The following CACNA2D3 variants were observed in gnomAD, a reference collection of about 807,000 sequenced individuals.
CACNA2D3 encodes calcium voltage-gated channel auxiliary subunit alpha2delta 3, also known as voltage-dependent calcium channel subunit alpha-2/delta-3.
CACNA2D3 carries 60 observed loss-of-function variants against 160.6 expected under a neutral mutation model. That is an observed-to-expected ratio of 0.37 (90% CI 0.30 to 0.46). The LOEUF (loss-of-function observed/expected upper bound fraction) is 0.46. Among genes scored for constraint, CACNA2D3 ranks in the 20% least tolerant of loss-of-function variants. The pLI is 1.00. For missense variants in CACNA2D3, 1,205 were observed against 1,365.0 expected, an observed-to-expected ratio of 0.88 and a Z score of 1.85; for synonymous variants, 558 against 492.9, an observed-to-expected ratio of 1.13 and a Z score of -1.75.
At chr3:54,778,453 G>C (rs1702464562) in intron 13 of CACNA2D3, among the ~76,000 whole-genome samples, 1 of 151,620 alleles carries the variant, frequency 6.6e-6, no homozygotes. Context: ...ACTCCATTCA[G>C]AAGCCTCTGG....
chr3:54,591,209 A>G (rs1451093049), intron 9 of CACNA2D3, among the ~76,000 whole-genome samples: 1 of 152,200 alleles, frequency 6.6e-6, no homozygotes, highest in East Asian at 1.9e-4. Flanking sequence ...CCAAATTCCT[A>G]GGGTGGAAAA....
intron 2 of CACNA2D3, among the ~76,000 whole-genome samples, chr3:54,200,853 G>C (rs140536756): frequency 0.017 from 2,577 of 152,166 alleles, 27 homozygotes; most frequent in Middle Eastern, 0.068. Context: ...CAAGTGCTTT[G>C]GAAAATAGGA....
At chr3:54,386,859 T>G in intron 4 of CACNA2D3, 85 bp downstream of exon 4, 1 of 1,267,060 alleles carries the variant, frequency 7.9e-7, no homozygotes, top group South Asian at 1.4e-5. Flanking sequence ...TACTGATTTT[T>G]CAGTGATTGG....
At chr3:54,583,692 T>A (rs1559518969) in intron 9 of CACNA2D3, among the ~76,000 whole-genome samples, 2 of 152,206 alleles carry the variant, frequency 1.3e-5, no homozygotes, top group African/African-American at 4.8e-5. Flanking sequence ...TCAAAAAGTT[T>A]CAGATTTTGG....
chr3:54,692,914 C>T (rs1337388946), intron 11 of CACNA2D3, among the ~76,000 whole-genome samples: 4 of 152,134 alleles, frequency 2.6e-5, no homozygotes, highest in African/African-American at 9.7e-5. Context: ...GAAAAAAAGC[C>T]ATTTAGTTTT....
At chr3:54,821,124 A>G (rs1430659035) in intron 14 of CACNA2D3, among the ~76,000 whole-genome samples, 3 of 152,176 alleles carry the variant, frequency 2.0e-5, no homozygotes, top group Non-Finnish European at 4.4e-5. Flanking sequence ...TTTGCAAAAG[A>G]ACATTTCTTA....
intron 4 of CACNA2D3, among the ~76,000 whole-genome samples, chr3:54,415,396 G>A (rs759231029): frequency 6.6e-6 from 1 of 152,088 alleles, no homozygotes; most frequent in Non-Finnish European, 1.5e-5. Context: ...ATTTATGTCT[G>A]TTAATTTACC....
rs560705970 is a variant in CACNA2D3 at position 54,466,249 on chromosome 3, A to C, written c.382-37243A>C. On this transcript the variant is annotated intron_variant, in intron 4 of 37. Transcript: ENST00000474759. Reference sequence around the variant, plus strand: ...TGGGACCATTTTCAGAATTCTGACTACCACAGTGAGTGTTGTATAAATTTT... The same window carrying C: ...TGGGACCATTTTCAGAATTCTGACTCCCACAGTGAGTGTTGTATAAATTTT... Among the ~76,000 whole-genome samples the C allele has an allele frequency of 7.1e-4, 108 of 152,328 alleles. 1 individual carries two copies. The highest frequency in any genetic ancestry group is 1.3e-3 in the Admixed American group (20 of 15,300).
chr3:54,357,391 C>G (rs777624116), intron 3 of CACNA2D3, among the ~76,000 whole-genome samples: 1 of 152,162 alleles, frequency 6.6e-6, no homozygotes, highest in Non-Finnish European at 1.5e-5. Flanking sequence ...ACATTCACAT[C>G]TTTTATTGAA....
intron 5 of CACNA2D3, among the ~76,000 whole-genome samples, chr3:54,555,173 G>A (rs1702224414): frequency 6.6e-6 from 1 of 152,110 alleles, no homozygotes; most frequent in Admixed American, 6.6e-5. Flanking sequence ...AGTGTGCCCA[G>A]CCAAGACCTT....
intron 17 of CACNA2D3, among the ~76,000 whole-genome samples, chr3:54,864,971 G>A (rs9847961): frequency 1.1e-4 from 17 of 152,214 alleles, no homozygotes; most frequent in East Asian, 1.9e-4. Flanking sequence ...AACGAGACAC[G>A]TACCGCTGTT....
intron 2 of CACNA2D3, among the ~76,000 whole-genome samples, chr3:54,249,266 T>C (rs1702136488): frequency 6.6e-6 from 1 of 152,172 alleles, no homozygotes; most frequent in African/African-American, 2.4e-5. Context: ...TGGTTAACTT[T>C]ATATGCCAAA....
chr3:54,925,431 A>G (rs1467300167), intron 27 of CACNA2D3, among the ~76,000 whole-genome samples: 3 of 152,154 alleles, frequency 2.0e-5, no homozygotes, highest in Non-Finnish European at 2.9e-5. Flanking sequence ...TGTGCCACCT[A>G]TCGTCTGAAG....
chr3:54,230,743 T>C (rs58057309), intron 2 of CACNA2D3, among the ~76,000 whole-genome samples: 12,263 of 152,298 alleles, frequency 0.081, 751 homozygotes, highest in East Asian at 0.31. Context: ...GGAATCTAGA[T>C]ATGACGTTTT....
At chr3:55,054,603 A>G (rs936130944) in intron 35 of CACNA2D3, among the ~76,000 whole-genome samples, 3 of 149,706 alleles carry the variant, frequency 2.0e-5, no homozygotes, top group South Asian at 2.1e-4. Context: ...TTAATATACT[A>G]TATTATAAAG....
chr3:54,763,547 T>A (rs1702123890), intron 12 of CACNA2D3, among the ~76,000 whole-genome samples: 1 of 151,206 alleles, frequency 6.6e-6, no homozygotes, highest in Admixed American at 6.6e-5. Flanking sequence ...AAAATAAGGT[T>A]ACAAAATATC....
At chr3:55,073,374 G>GA in intron 35 of CACNA2D3, 71 bp from the exon 36 acceptor site, 1 of 1,149,876 alleles carries the variant, frequency 8.7e-7, no homozygotes, top group Non-Finnish European at 1.3e-6. Flanking sequence ...CCACCCAGGA[G>GA]AGAAGTCTTC....
At chr3:54,343,918 A>G (rs970875116) in intron 3 of CACNA2D3, among the ~76,000 whole-genome samples, 1 of 152,228 alleles carries the variant, frequency 6.6e-6, no homozygotes, top group African/African-American at 2.4e-5. Context: ...GTATATTATG[A>G]TAATGTCCAT....
At chr3:54,575,825 G>C (rs1277480774) in intron 8 of CACNA2D3, among the ~76,000 whole-genome samples, 2 of 152,162 alleles carry the variant, frequency 1.3e-5, no homozygotes, top group African/African-American at 2.4e-5. Context: ...GAAGGAGGAA[G>C]GAGTCAACAA....
Sources: allele counts gnomAD v4.1 joint callset (sites outside exome capture counted in the v4.1 genomes callset), GRCh38; gene constraint gnomAD v4.1.1; transcripts MANE v1.5; gene names NCBI Gene and HGNC (gene_info 2026-07-23, HGNC 2026-07-21).